Variants in WDFY4 observed in about 807,000 individuals in gnomAD.
The protein encoded by WDFY4 is WDFY family member 4, also known as WD repeat- and FYVE domain-containing protein 4.
A neutral mutation model predicts 351.9 loss-of-function variants in WDFY4; 169 were observed. That is an observed-to-expected ratio of 0.48 (90% confidence interval 0.42 to 0.55). The LOEUF is 0.55. Ranked by LOEUF, WDFY4 falls within the 20% of genes least tolerant of loss-of-function variation. The pLI is 0.00. For missense variants in WDFY4, 3,803 were observed against 3,935.6 expected (o/e 0.97, Z 0.90); for synonymous variants, 1,622 against 1,574.6 (o/e 1.03, Z -0.71).
chr10:48,966,716 T>C, intron 55 of WDFY4, 43 bp downstream of exon 55: 1 of 1,532,808 alleles, frequency 6.5e-7, no homozygotes, highest in Non-Finnish European at 8.8e-7. Context: ...TGTCCCAGGG[T>C]TGTCCCTTCA....
chr10:48,933,792 T>G (rs1840180487), intron 47 of WDFY4, among the ~76,000 whole-genome samples: 1 of 152,052 alleles, frequency 6.6e-6, no homozygotes, highest in Non-Finnish European at 1.5e-5. Context: ...ATTGCACACC[T>G]TGTGTTCTAG....
At chr10:48,739,368 C>T (rs1286798048) in intron 11 of WDFY4, among the ~76,000 whole-genome samples, 6 of 152,206 alleles carry the variant, frequency 3.9e-5, no homozygotes, top group Non-Finnish European at 8.8e-5. Context: ...CAACCCCAGC[C>T]TGATTACTTT....
At chr10:48,775,870 G>A (rs2066015914) in intron 15 of WDFY4, 64 bp downstream of exon 15, 17 of 1,415,354 alleles carry the variant, frequency 1.2e-5, no homozygotes, top group Non-Finnish European at 1.6e-5. Context: ...CATTCCTGCT[G>A]AGGGATCCTT....
At position 48,982,667 on chromosome 10, in the gene WDFY4, C is replaced by A; in HGVS notation, c.*92C>A. Reference sequence around the variant, plus strand: ...CCTGAGCTCTGCCTACAGAAGAAACCCCCAGGGCCTCCTTCCCCACAGTTC... The same window carrying A: ...CCTGAGCTCTGCCTACAGAAGAAACACCCAGGGCCTCCTTCCCCACAGTTC... On this transcript the variant is annotated 3_prime_UTR_variant, in exon 62 of 62. Coordinates refer to ENST00000325239, the MANE Select transcript of WDFY4 (RefSeq NM_001394531.1). 1 of 1,309,442 alleles carries A rather than the reference C, an allele frequency of 7.6e-7. No homozygotes were observed. The highest frequency in any genetic ancestry group is 1.1e-6 in the Non-Finnish European group (1 of 936,784). 81.1% of individuals were successfully genotyped at this position (1,309,442 alleles called of 1,614,324 possible).
At chr10:48,789,071 C>T (rs1202656095) in intron 21 of WDFY4, among the ~76,000 whole-genome samples, 1 of 152,004 alleles carries the variant, frequency 6.6e-6, no homozygotes, top group Non-Finnish European at 1.5e-5. Context: ...TGGGATCTCT[C>T]TATGTTGCCC....
intron 57 of WDFY4, among the ~76,000 whole-genome samples, chr10:48,974,524 A>C (rs866679561): frequency 8.3e-5 from 2 of 24,068 alleles, no homozygotes; most frequent in African/African-American, 1.2e-4. Context: ...AAAAAAAAAA[A>C]AAAAACAACT....
intron 34 of WDFY4, 59 bp from the exon 35 acceptor site, chr10:48,822,321 A>G: frequency 6.9e-7 from 1 of 1,455,540 alleles, no homozygotes; most frequent in Non-Finnish European, 9.1e-7. Flanking sequence ...GGGCTTGGAG[A>G]TTGTCATGGA....
In WDFY4 at chr10:48,833,087, T is replaced by C. The variant is rs112302677; in HGVS notation, c.6663+378T>C. On this transcript the variant is annotated intron_variant, in intron 39 of 61. Transcript: ENST00000325239. ...GGGCAGACCCGTTGGGATTTTCTAA[T>C]CAGTTTCTCAAAACCTGCAAAACAA... is the stretch of plus-strand genomic sequence containing the variant. Among the ~76,000 whole-genome samples, 1,260 of 151,882 alleles carry C rather than the reference T, an allele frequency of 8.3e-3. 17 individuals are homozygous for C. Among genetic ancestry groups the C allele is most frequent in the South Asian group, 0.03 (142 of 4,812 alleles).
intron 40 of WDFY4, 38 bp downstream of exon 40, chr10:48,867,380 C>A: frequency 7.6e-7 from 1 of 1,315,888 alleles, no homozygotes; most frequent in African/African-American, 1.5e-5. Context: ...ATACAGCAAG[C>A]TGGAATCCAC....
chr10:48,928,431 A>G (rs1281207387), intron 47 of WDFY4, among the ~76,000 whole-genome samples: 2 of 148,808 alleles, frequency 1.3e-5, no homozygotes, highest in Non-Finnish European at 3.0e-5. Context: ...AGCAGCATGG[A>G]TGGGACCACA....
At chr10:48,826,584 T>C in intron 35 of WDFY4, 87 bp from the exon 36 acceptor site, 2 of 1,031,328 alleles carry the variant, frequency 1.9e-6, no homozygotes, top group Non-Finnish European at 1.4e-6. Context: ...TTTTTGATTA[T>C]ACTATTTTTG....
chr10:48,875,504 T>C (rs1406011905), intron 42 of WDFY4, among the ~76,000 whole-genome samples: 1 of 152,180 alleles, frequency 6.6e-6, no homozygotes, highest in East Asian at 1.9e-4. Context: ...AGCCTCCACC[T>C]CCTGGGCTCA....
At chr10:48,754,850 C>T (rs1390481485) in intron 12 of WDFY4, among the ~76,000 whole-genome samples, 1 of 152,204 alleles carries the variant, frequency 6.6e-6, no homozygotes, top group African/African-American at 2.4e-5. Context: ...AACAATCTCA[C>T]TTTGCATATG....
In WDFY4 at chr10:48,873,509, A is replaced by G. The variant is rs755187010; in HGVS notation, c.6760A>G (p.Ile2254Val). Residue 2254 changes from isoleucine (I) to valine (V), a missense_variant, in exon 41 of 62, where the codon ATC (isoleucine) becomes GTC (valine). Physicochemically the swap from Ile to Val is conservative, Grantham distance 29 (BLOSUM62 3). Around this residue, in one of 3 missense-constraint regions of WDFY4, gnomAD observed 3,054 missense variants for 3,148.6 expected, o/e 0.97. Transcript: ENST00000325239. ...TCCCCAGAGGCGAAAATGTGGCAAC[A>G]TCAAGGCAGCCAACGCCTGGGCCAG... ...DHVQRRKCGN[I>V]KAANAWARIQ... 2.9e-5 allele frequency: 45 copies of G among 1,550,804 alleles called. No homozygotes were observed. The highest frequency in any genetic ancestry group is 7.9e-5 in the Admixed American group (4 of 50,856).
At chr10:48,687,234 C>G (rs957274086) in intron 1 of WDFY4, among the ~76,000 whole-genome samples, 1 of 152,110 alleles carries the variant, frequency 6.6e-6, no homozygotes, top group Non-Finnish European at 1.5e-5. Flanking sequence ...TGCCATAATT[C>G]AATACATATT....
intron 53 of WDFY4, among the ~76,000 whole-genome samples, chr10:48,960,852 CA>C (rs765200972): frequency 5.8e-4 from 88 of 152,272 alleles, no homozygotes; most frequent in Admixed American, 1.0e-3. Flanking sequence ...TTTTTATATA[CA>C]GGCATGAAAT....
chr10:48,928,398 T>TGTGTGTGTGTGTGTG (rs1839766024), intron 47 of WDFY4, among the ~76,000 whole-genome samples: 5 of 55,938 alleles, frequency 8.9e-5, no homozygotes, highest in Admixed American at 2.2e-4. Flanking sequence ...GTGTGTGTGT[T>TGTGTGTGTGTGTGTG]GGTGGGGGTT....
intron 1 of WDFY4, among the ~76,000 whole-genome samples, chr10:48,686,943 G>A (rs563743989): frequency 2.0e-5 from 3 of 152,214 alleles, no homozygotes; most frequent in Non-Finnish European, 4.4e-5. Context: ...ATGTCACCAC[G>A]TTGTTTTCCA....
chr10:48,891,909 C>A (rs1045214912), intron 44 of WDFY4, among the ~76,000 whole-genome samples: 2 of 152,172 alleles, frequency 1.3e-5, no homozygotes, highest in Admixed American at 6.5e-5. Context: ...TAGATGTCAG[C>A]CCACCTTGGT....
Sources: allele counts gnomAD v4.1 joint callset (sites outside exome capture counted in the v4.1 genomes callset), GRCh38; gene constraint gnomAD v4.1.1; regional missense constraint gnomAD v4.1.1; transcripts MANE v1.5; gene names NCBI Gene and HGNC (gene_info 2026-07-23, HGNC 2026-07-21).